GIPC1: variants seen among roughly 807,000 people sequenced by gnomAD.
GIPC1 encodes PDZ domain-containing protein GIPC1.
Under a neutral mutation model 28.5 loss-of-function variants are expected in GIPC1, and 15 were observed. The ratio of observed to expected loss-of-function variants is 0.53; its 90% CI spans 0.35 to 0.81. The LOEUF (loss-of-function observed/expected upper bound fraction) is 0.81, where lower values mean the gene tolerates loss of function less well. GIPC1 is among the 30% of genes least tolerant of loss of function. GIPC1 has a pLI of 0.01. For synonymous variants in GIPC1, 224 were observed against 206.1 expected (o/e 1.09, Z -0.74); for missense variants, 439 against 481.9 (o/e 0.91, Z 0.83).
intron 1 of GIPC1, among the ~76,000 whole-genome samples, chr19:14,493,747 C>T (rs1338453692): frequency 2.6e-5 from 4 of 152,150 alleles, no homozygotes; most frequent in Non-Finnish European, 5.9e-5. Flanking sequence ...GCAACCTCTG[C>T]CTACCGGGTT....
At chr19:14,485,718 G>T (rs1436690104) in intron 3 of GIPC1, among the ~76,000 whole-genome samples, 73 of 92,984 alleles carry the variant, frequency 7.9e-4, no homozygotes, top group South Asian at 1.8e-3. Flanking sequence ...GAGAGAGAGA[G>T]AGAGAGAGAG....
chr19:14,478,667 AG>A lies in GIPC1; in HGVS notation c.850+16del, dbSNP rs776908829. 4.3e-6 allele frequency: 7 copies of A among 1,613,016 alleles called. No homozygotes were observed. In the South Asian group the frequency reaches 7.7e-5, roughly 18 times the overall value. On this transcript the variant is annotated intron_variant, in intron 8 of 8. Coordinates refer to ENST00000393033, the MANE Select transcript of GIPC1 (RefSeq NM_005716.4). This position sits in a 1 kb window ranked among gnomAD's most constrained non-coding sequence, Gnocchi z 5.2. ...AGCAGACCTAGATGCCCCCTCCCCC[AG>A]GCAGCCCTCACTCACCCAGCTCCGT... is the stretch of plus-strand genomic sequence containing the variant.
intron 3 of GIPC1, among the ~76,000 whole-genome samples, chr19:14,488,823 A>G (rs1261101899): frequency 1.3e-5 from 2 of 148,984 alleles, no homozygotes; most frequent in African/African-American, 4.9e-5. Flanking sequence ...TGGGCATGCA[A>G]TTGGCATGTT....
chr19:14,486,283 G>T (rs1187809), intron 3 of GIPC1, among the ~76,000 whole-genome samples: 1 of 152,078 alleles, frequency 6.6e-6, no homozygotes, highest in East Asian at 1.9e-4. Flanking sequence ...AAGCGACTAC[G>T]CTTCTATTTT....
At position 14,478,789 on chromosome 19, in the gene GIPC1, G is replaced by A; in HGVS notation, c.769-24C>T. On this transcript the variant is annotated intron_variant, in intron 7 of 8. Coordinates refer to ENST00000393033, the MANE Select transcript of GIPC1 (RefSeq NM_005716.4). This position sits in a 1 kb window ranked among gnomAD's most constrained non-coding sequence, Gnocchi z 5.2. ...GGCTGGGGGCCAGGGAGGGGTGACA[G>A]CGACATCATAACAATGTGAATATAC... is the stretch of plus-strand genomic sequence containing the variant. 6.5e-7 allele frequency: 1 copy of A among 1,528,076 alleles called. No individual in the cohort carries two copies. The highest frequency in any genetic ancestry group is 1.7e-4 in the Middle Eastern group (1 of 5,908). 94.7% of individuals were successfully genotyped at this position (1,528,076 alleles called of 1,614,324 possible). A position where few individuals can be genotyped will look rare whatever the true frequency, so the allele number is the denominator to read the frequency against.
intron 3 of GIPC1, among the ~76,000 whole-genome samples, 161 bp downstream of exon 3, chr19:14,491,495 G>C (rs755032142): frequency 6.6e-6 from 1 of 151,864 alleles, no homozygotes; most frequent in Non-Finnish European, 1.5e-5. Context: ...CTGACCTCAG[G>C]TGATTCGCCC....
intron 3 of GIPC1, among the ~76,000 whole-genome samples, chr19:14,486,286 T>C (rs989944874): frequency 6.6e-6 from 1 of 152,216 alleles, no homozygotes; most frequent in Non-Finnish European, 1.5e-5. Flanking sequence ...CGACTACGCT[T>C]CTATTTTCCT....
intron 3 of GIPC1, among the ~76,000 whole-genome samples, chr19:14,485,032 C>T (rs1042797540): frequency 3.4e-4 from 51 of 151,638 alleles, no homozygotes; most frequent in African/African-American, 1.2e-3. Context: ...TGGTGGCGGG[C>T]GTCTGTAATC....
intron 3 of GIPC1, among the ~76,000 whole-genome samples, chr19:14,485,307 C>T (rs1163224851): frequency 6.6e-6 from 1 of 151,850 alleles, no homozygotes; most frequent in Non-Finnish European, 1.5e-5. Flanking sequence ...CTCAGCCTCC[C>T]AAGTGGCTAG....
At chr19:14,488,001 A>T (rs2071883470) in intron 3 of GIPC1, among the ~76,000 whole-genome samples, 1 of 152,138 alleles carries the variant, frequency 6.6e-6, no homozygotes, top group South Asian at 2.1e-4. Context: ...TTTAATAGTG[A>T]TATGGAGACA....
chr19:14,486,695 T>C (rs1022931418), intron 3 of GIPC1, among the ~76,000 whole-genome samples: 2 of 149,676 alleles, frequency 1.3e-5, no homozygotes, highest in Non-Finnish European at 3.0e-5. Context: ...TCTGTTTCTT[T>C]CTTGCTTTCT....
At chr19:14,491,420 G>A (rs1489011303) in intron 3 of GIPC1, among the ~76,000 whole-genome samples, 5 of 151,962 alleles carry the variant, frequency 3.3e-5, no homozygotes, top group Non-Finnish European at 7.4e-5. Flanking sequence ...CACCACACCT[G>A]GCTAATTTTT....
At chr19:14,489,529 A>G (rs1268825688) in intron 3 of GIPC1, 1 of 893,450 alleles carries the variant, frequency 1.1e-6, no homozygotes, top group Non-Finnish European at 1.9e-6. Context: ...ATGTGTGGAG[A>G]TGGCGACTAG....
In GIPC1 at chr19:14,480,484, C is replaced by T. The variant is rs762937627; in HGVS notation, c.476G>A (p.Arg159His). 7 of 1,609,938 alleles carry T rather than the reference C, an allele frequency of 4.3e-6. No individual in the cohort carries two copies. The highest frequency in any genetic ancestry group is 1.7e-5 in the Admixed American group (1 of 59,816). ...DNGAGYAFIK[R>H]IKEGSVIDHI... ...GTCGATCACGCTGCCCTCCTTGATG[C>T]GCTGCGGGGGCGGGGAGTCATCAGC... The change falls in exon 6 of 9, where the codon CGC (arginine) becomes CAC (histidine). Residue 159 changes from arginine (R) to histidine (H), a missense_variant and splice_region_variant. Coordinates refer to ENST00000393033, the MANE Select transcript of GIPC1 (RefSeq NM_005716.4).
At chr19:14,494,384 G>A (rs1282431094) in intron 1 of GIPC1, among the ~76,000 whole-genome samples, 4 of 632 alleles carry the variant, frequency 6.3e-3, no homozygotes, top group African/African-American at 0.013. Flanking sequence ...GAGCCACCGC[G>A]CCCGGGCCCC....
intron 6 of GIPC1, 147 bp downstream of exon 6, chr19:14,480,158 C>T (rs1199870284): frequency 3.0e-6 from 2 of 667,162 alleles, no homozygotes; most frequent in Non-Finnish European, 5.1e-6. Flanking sequence ...CGTCTGGGGT[C>T]GGGAGGAGCT....
intron 1 of GIPC1, among the ~76,000 whole-genome samples, 168 bp downstream of exon 1, chr19:14,495,869 C>G (rs937854658): frequency 6.6e-6 from 1 of 151,682 alleles, no homozygotes; most frequent in South Asian, 2.1e-4. Context: ...CACCACCCCC[C>G]ACCCCCGCTT....
At chr19:14,480,053 G>A (rs1486307814) in intron 6 of GIPC1, 10 of 586,208 alleles carry the variant, frequency 1.7e-5, no homozygotes. Flanking sequence ...GGCTGAGGGC[G>A]CTTGGCTGGG....
intron 6 of GIPC1, chr19:14,479,929 C>T: frequency 2.3e-6 from 1 of 431,634 alleles, no homozygotes; most frequent in Non-Finnish European, 4.2e-6. Context: ...GTCCCCCACC[C>T]CCACCTCAGG....
Sources: gnomAD v4.1 joint callset for allele counts (sites outside exome capture counted in the v4.1 genomes callset) on GRCh38, gnomAD v4.1.1 for gene constraint, Gnocchi (gnomAD v3.1) non-coding constraint, MANE v1.5 for transcripts, NCBI Gene and HGNC (gene_info 2026-07-23, HGNC 2026-07-21) for gene names.